Variants in SEMA6D observed in about 807,000 individuals in gnomAD.
SEMA6D encodes semaphorin 6D, also known as semaphorin-6D.
SEMA6D carries 35 observed loss-of-function variants against 106.6 expected under a neutral mutation model. That is an observed-to-expected ratio of 0.33 (90% CI 0.25 to 0.44). SEMA6D has a LOEUF of 0.44. SEMA6D is among the 20% of genes least tolerant of loss of function. SEMA6D has a pLI of 1.00. For missense variants in SEMA6D, 1,185 were observed against 1,345.9 expected, an observed-to-expected ratio of 0.88 and a Z score of 1.87; for synonymous variants, 499 against 487.7, an observed-to-expected ratio of 1.02 and a Z score of -0.31.
chr15:47,328,342 A>G (rs1363015676), intron 1 of SEMA6D, among the ~76,000 whole-genome samples: 1 of 152,180 alleles, frequency 6.6e-6, no homozygotes, highest in African/African-American at 2.4e-5. Context: ...AAGCTTTTTC[A>G]AAACACTTAA....
At chr15:47,382,512 GA>G (rs1164146039) in intron 1 of SEMA6D, among the ~76,000 whole-genome samples, 2 of 147,968 alleles carry the variant, frequency 1.4e-5, no homozygotes, top group Non-Finnish European at 3.0e-5. Context: ...GTCTCAAAAA[GA>G]AAAAAAAAGG....
At chr15:47,759,579 G>A in intron 1 of SEMA6D, 166 bp from the exon 2 acceptor site, 2 of 570,408 alleles carry the variant, frequency 3.5e-6, no homozygotes, top group East Asian at 5.9e-5. Context: ...CTGGCATGTT[G>A]CCATCTTTTG....
At chr15:47,383,188 A>G (rs996722037) in intron 1 of SEMA6D, among the ~76,000 whole-genome samples, 5 of 152,242 alleles carry the variant, frequency 3.3e-5, no homozygotes, top group Middle Eastern at 3.4e-3. Flanking sequence ...CTGATCCTCT[A>G]TTTCCAAGGA....
chr15:47,497,797 C>T (rs1280750118), intron 3 of SEMA6D, among the ~76,000 whole-genome samples: 1 of 152,096 alleles, frequency 6.6e-6, no homozygotes, highest in African/African-American at 2.4e-5. Context: ...ATTCAGCTAC[C>T]ACTGAAGGCT....
At chr15:47,220,121 G>A (rs867826279) in intron 1 of SEMA6D, among the ~76,000 whole-genome samples, 2 of 152,184 alleles carry the variant, frequency 1.3e-5, no homozygotes, top group Non-Finnish European at 2.9e-5. Flanking sequence ...AAAACAAGTT[G>A]CAGGGCCATT....
intron 4 of SEMA6D, among the ~76,000 whole-genome samples, chr15:47,697,295 G>T (rs564272934): frequency 9.9e-5 from 15 of 152,156 alleles, no homozygotes; most frequent in Non-Finnish European, 2.2e-4. Flanking sequence ...CTGTTCACAG[G>T]TGTTCATATC....
intron 3 of SEMA6D, among the ~76,000 whole-genome samples, chr15:47,495,383 T>C (rs1449002199): frequency 6.6e-6 from 1 of 152,072 alleles, no homozygotes; most frequent in Non-Finnish European, 1.5e-5. Context: ...AACTTTGTAC[T>C]GATGCCAAAG....
At chr15:47,234,099 G>C (rs2032386986) in intron 1 of SEMA6D, among the ~76,000 whole-genome samples, 1 of 151,852 alleles carries the variant, frequency 6.6e-6, no homozygotes, top group African/African-American at 2.4e-5. Context: ...TGGGAGGAAG[G>C]GCTGGGAATG....
chr15:47,415,218 A>G (rs936899475), intron 2 of SEMA6D, among the ~76,000 whole-genome samples: 8 of 152,186 alleles, frequency 5.3e-5, no homozygotes, highest in African/African-American at 1.7e-4. Context: ...TATGATAACA[A>G]CAAAATGCAA....
chr15:47,366,140 G>A (rs938526914), intron 1 of SEMA6D, among the ~76,000 whole-genome samples: 1 of 152,178 alleles, frequency 6.6e-6, no homozygotes, highest in African/African-American at 2.4e-5. Flanking sequence ...ATTCAAAATT[G>A]TGTCACTCTG....
intron 4 of SEMA6D, among the ~76,000 whole-genome samples, chr15:47,603,092 A>G (rs986162797): frequency 6.6e-6 from 1 of 152,198 alleles, no homozygotes; most frequent in Non-Finnish European, 1.5e-5. Context: ...ATGGTACATT[A>G]TGTGAAGATA....
intron 1 of SEMA6D, chr15:47,399,464 G>A (rs1368348753): frequency 1.3e-5 from 2 of 152,230 alleles, no homozygotes; most frequent in Non-Finnish European, 2.9e-5. Flanking sequence ...CCAAAATTCT[G>A]ACTTCCTAGA....
intron 1 of SEMA6D, among the ~76,000 whole-genome samples, chr15:47,738,968 C>A (rs149006329): frequency 6.6e-6 from 1 of 152,146 alleles, no homozygotes; most frequent in Non-Finnish European, 1.5e-5. Context: ...CCCTATGGGC[C>A]ACTTCATGAG....
intron 1 of SEMA6D, among the ~76,000 whole-genome samples, chr15:47,217,855 C>T (rs1053920049): frequency 7.9e-6 from 1 of 126,554 alleles, no homozygotes; most frequent in African/African-American, 3.0e-5. Context: ...CCCCTGCTTC[C>T]TGCTTGCATG....
At chr15:47,303,855 A>G (rs1372297374) in intron 1 of SEMA6D, among the ~76,000 whole-genome samples, 1 of 152,206 alleles carries the variant, frequency 6.6e-6, no homozygotes, top group Non-Finnish European at 1.5e-5. Flanking sequence ...GAGGCTCTGA[A>G]CTGTGCTTAT....
At chr15:47,506,219 C>T (rs2044032724) in intron 3 of SEMA6D, among the ~76,000 whole-genome samples, 1 of 152,170 alleles carries the variant, frequency 6.6e-6, no homozygotes, top group Non-Finnish European at 1.5e-5. Flanking sequence ...AAACATCACA[C>T]AAGGCCAATT....
chr15:47,342,514 T>C (rs1273823108), intron 1 of SEMA6D, among the ~76,000 whole-genome samples: 1 of 152,230 alleles, frequency 6.6e-6, no homozygotes, highest in Non-Finnish European at 1.5e-5. Context: ...CAAGTGTTTA[T>C]TGTTAAAGTG....
At chr15:47,607,395 C>T (rs144361445) in intron 4 of SEMA6D, among the ~76,000 whole-genome samples, 61 of 152,302 alleles carry the variant, frequency 4.0e-4, no homozygotes, top group African/African-American at 1.4e-3. Context: ...TAATGACTGT[C>T]TCCAGGTGAC....
intron 3 of SEMA6D, among the ~76,000 whole-genome samples, chr15:47,473,765 T>C (rs1367637776): frequency 6.6e-6 from 1 of 152,160 alleles, no homozygotes; most frequent in African/African-American, 2.4e-5. Context: ...CAGCAAACTC[T>C]GAAAAACTGT....
Sources: allele counts gnomAD v4.1 joint callset (sites outside exome capture counted in the v4.1 genomes callset), GRCh38; gene constraint gnomAD v4.1.1; transcripts MANE v1.5; gene names NCBI Gene and HGNC (gene_info 2026-07-23, HGNC 2026-07-21).